The following PDE10A variants were observed in gnomAD, a reference collection of about 807,000 sequenced individuals.
The protein encoded by PDE10A is phosphodiesterase 10A.
PDE10A carries 39 observed loss-of-function variants against 97.7 expected under a neutral mutation model. The observed-to-expected ratio is 0.40, with a 90% CI of 0.31 to 0.52. The LOEUF is 0.52. PDE10A is among the 20% of genes least tolerant of loss of function. The pLI is 0.56. For synonymous variants in PDE10A, 371 were observed against 376.8 expected, an observed-to-expected ratio of 0.98 and a Z score of 0.18; for missense variants, 731 against 1,047.8, an observed-to-expected ratio of 0.70 and a Z score of 4.17.
intron 1 of PDE10A, among the ~76,000 whole-genome samples, chr6:165,677,151 G>A (rs181776716): frequency 1.3e-5 from 2 of 152,300 alleles, no homozygotes; most frequent in Admixed American, 1.3e-4. Flanking sequence ...CGTTAGATCC[G>A]TCAACTTTCA....
At chr6:165,578,236 T>G (rs1410481) in intron 1 of PDE10A, among the ~76,000 whole-genome samples, 142,607 of 152,080 alleles carry the variant, frequency 0.94, 67,266 homozygotes, top group Non-Finnish European at 0.99. Context: ...TTTGGATGGC[T>G]GCACTCTCAA....
chr6:165,957,884 T>C (rs563615416), intron 1 of PDE10A, among the ~76,000 whole-genome samples: 3 of 152,336 alleles, frequency 2.0e-5, no homozygotes, highest in Non-Finnish European at 4.4e-5. Flanking sequence ...ATTAGGTCCA[T>C]GTCTCCATGG....
chr6:165,478,571 G>A (rs990436769), intron 3 of PDE10A, among the ~76,000 whole-genome samples: 1 of 152,096 alleles, frequency 6.6e-6, no homozygotes, highest in Non-Finnish European at 1.5e-5. Context: ...ATCACATGAC[G>A]GCAGGCCCTG....
intron 3 of PDE10A, among the ~76,000 whole-genome samples, chr6:165,467,892 G>A (rs1010177257): frequency 5.9e-5 from 9 of 152,206 alleles, no homozygotes; most frequent in Admixed American, 4.6e-4. Context: ...GTCGGCTGAT[G>A]TGGCAAACTT....
intron 1 of PDE10A, among the ~76,000 whole-genome samples, chr6:165,787,690 C>T (rs1416182412): frequency 6.6e-6 from 1 of 152,142 alleles, no homozygotes; most frequent in Non-Finnish European, 1.5e-5. Context: ...GTAATTCATC[C>T]ATTCAATAAA....
intron 1 of PDE10A, among the ~76,000 whole-genome samples, chr6:165,937,869 G>A (rs1178415141): frequency 6.6e-6 from 1 of 152,082 alleles, no homozygotes; most frequent in Non-Finnish European, 1.5e-5. Flanking sequence ...AACTAGTCTT[G>A]TTCATTTCAG....
chr6:165,348,789 C>T (rs115034403), intron 18 of PDE10A, among the ~76,000 whole-genome samples: 2,049 of 152,244 alleles, frequency 0.013, 40 homozygotes, highest in African/African-American at 0.047. Context: ...TTTCCCCCTT[C>T]CTGTTTTGTG....
intron 3 of PDE10A, among the ~76,000 whole-genome samples, chr6:165,480,516 G>A (rs1035234757): frequency 1.3e-5 from 2 of 151,806 alleles, no homozygotes; most frequent in Non-Finnish European, 2.9e-5. Flanking sequence ...AACTCGGGCA[G>A]TCAAGGCTGA....
Position 165,661,922 on chromosome 6 carries a change from G to A in PDE10A, c.865+25C>T. ...GGGGATGAGGAGCCGCCCCACCTCC[G>A]GGGAACGGGGAGCAGGCCACTTACT... On this transcript the variant is annotated intron_variant, in intron 1 of 21. Coordinates refer to ENST00000539869, the MANE Select transcript of PDE10A (RefSeq NM_001385079.1). This position sits in a 1 kb window ranked among gnomAD's most constrained non-coding sequence, Gnocchi z 4.8. 1.2e-6 allele frequency: 1 copy of A among 865,754 alleles called. No individual in the cohort carries two copies. The highest frequency in any genetic ancestry group is 1.5e-5 in the South Asian group (1 of 68,294). The allele number at this position is 865,754 out of a possible 1,614,324, so 53.6% of individuals were successfully genotyped here.
chr6:165,805,102 C>A (rs73243811), intron 1 of PDE10A, among the ~76,000 whole-genome samples: 27,049 of 130,606 alleles, frequency 0.21, 2,669 homozygotes, highest in African/African-American at 0.29. Flanking sequence ...GGCCTGGGGT[C>A]GAGCAGAGGG....
At chr6:165,891,956 T>C (rs1295005371) in intron 1 of PDE10A, among the ~76,000 whole-genome samples, 1 of 60,748 alleles carries the variant, frequency 1.6e-5, no homozygotes, top group Non-Finnish European at 3.2e-5. Flanking sequence ...TGGACTTTTT[T>C]TTTTTTTAAT....
intron 1 of PDE10A, among the ~76,000 whole-genome samples, chr6:165,957,084 C>T (rs1784156107): frequency 6.6e-6 from 1 of 152,198 alleles, no homozygotes; most frequent in African/African-American, 2.4e-5. Flanking sequence ...TGCAGGAGAC[C>T]TGTGCTACTC....
intron 10 of PDE10A, among the ~76,000 whole-genome samples, chr6:165,423,882 G>A (rs943013540): frequency 4.6e-5 from 7 of 151,350 alleles, no homozygotes; most frequent in African/African-American, 1.7e-4. Context: ...AGATTTGCTT[G>A]TCTGAAAATA....
chr6:165,831,661 T>G (rs539337335), intron 1 of PDE10A, among the ~76,000 whole-genome samples: 19 of 151,824 alleles, frequency 1.3e-4, no homozygotes, highest in African/African-American at 1.9e-4. Flanking sequence ...ATTTTTTGTA[T>G]TTTTCAGTAG....
chr6:165,397,040 C>A (rs562228976), intron 13 of PDE10A, among the ~76,000 whole-genome samples: 11 of 152,130 alleles, frequency 7.2e-5, no homozygotes, highest in Non-Finnish European at 1.3e-4. Context: ...GGTTTGCATT[C>A]GTCAGTCATA....
At chr6:165,973,423 A>AATAAAAT (rs1554233525) in intron 1 of PDE10A, among the ~76,000 whole-genome samples, 4 of 147,522 alleles carry the variant, frequency 2.7e-5, no homozygotes, top group Non-Finnish European at 5.9e-5. Flanking sequence ...CAAAAAAAAA[A>AATAAAAT]AAAATAAAAT....
At chr6:165,604,913 C>A (rs1219800902) in intron 1 of PDE10A, among the ~76,000 whole-genome samples, 2 of 152,188 alleles carry the variant, frequency 1.3e-5, no homozygotes, top group African/African-American at 4.8e-5. Flanking sequence ...ATAATTCCTA[C>A]ACAGAAAACT....
chr6:165,542,819 T>C lies in PDE10A; in HGVS notation c.994+621A>G, dbSNP rs592210. ...ATTTTTAGTAGAGATGGGGTTTCAC[T>C]GTGTTAGCTAGGATGGTCTCGATCT... On this transcript the variant is annotated intron_variant, in intron 2 of 21. Transcript: ENST00000539869. 5.1e-3 allele frequency among the ~76,000 whole-genome samples: 780 copies of C among 151,878 alleles called. 2 individuals are homozygous for C. The highest frequency in any genetic ancestry group is 7.9e-3 in the Non-Finnish European group (534 of 67,910).
At chr6:165,468,067 C>T (rs1292031605) in intron 3 of PDE10A, among the ~76,000 whole-genome samples, 1 of 151,998 alleles carries the variant, frequency 6.6e-6, no homozygotes, top group African/African-American at 2.4e-5. Context: ...AGCAATAAAG[C>T]CATACATAAT....
Sources: allele counts gnomAD v4.1 joint callset (sites outside exome capture counted in the v4.1 genomes callset), GRCh38; gene constraint gnomAD v4.1.1; non-coding constraint Gnocchi (gnomAD v3.1); transcripts MANE v1.5; gene names NCBI Gene and HGNC (gene_info 2026-07-23, HGNC 2026-07-21).